Variants in CTNNA3 observed in about 807,000 individuals in gnomAD.
CTNNA3 encodes catenin alpha-3.
Under a neutral mutation model 95.7 loss-of-function variants are expected in CTNNA3, and 76 were observed. The observed-to-expected ratio is 0.79, with a 90% CI of 0.66 to 0.96. The LOEUF (loss-of-function observed/expected upper bound fraction) is 0.96. Ranked by LOEUF, CTNNA3 falls within the 40% of genes least tolerant of loss-of-function variation. CTNNA3 has a pLI of 0.00. For missense variants in CTNNA3, 1,191 were observed against 1,089.8 expected, an observed-to-expected ratio of 1.09 and a Z score of -1.31; for synonymous variants, 431 against 374.4, an observed-to-expected ratio of 1.15 and a Z score of -1.74.
chr10:66,918,804 G>C (rs915100429), intron 7 of CTNNA3, among the ~76,000 whole-genome samples: 2 of 152,182 alleles, frequency 1.3e-5, no homozygotes, highest in African/African-American at 4.8e-5. Context: ...ATGTGCATGT[G>C]TGTAGATAGA....
In CTNNA3 at chr10:67,238,061, G is replaced by A. The variant is rs1288625276; in HGVS notation, c.580-18191C>T. Among the ~76,000 whole-genome samples the A allele has an allele frequency of 2.6e-5, 4 of 152,242 alleles. No individual in the cohort carries two copies. In the East Asian group the frequency reaches 5.8e-4, roughly 22 times the overall value. The stretch of plus-strand genomic sequence containing the variant: ...GAATTGTTTCAGCAATCGTGGAAGT[G>A]GTGATGCATTCACCACAATGAGAAT... On this transcript the variant is annotated intron_variant, in intron 5 of 17. Transcript: ENST00000433211.
At chr10:66,207,885 A>T (rs535672109) in intron 13 of CTNNA3, among the ~76,000 whole-genome samples, 19 of 152,050 alleles carry the variant, frequency 1.2e-4, no homozygotes, top group Non-Finnish European at 2.2e-4. Flanking sequence ...ATTTACTCAC[A>T]TTAATAAAAA....
intron 7 of CTNNA3, among the ~76,000 whole-genome samples, chr10:66,917,291 C>T (rs1030673883): frequency 5.3e-5 from 8 of 152,122 alleles, no homozygotes; most frequent in African/African-American, 1.9e-4. Flanking sequence ...CACATGGGGG[C>T]TCTGCTGTTA....
intron 7 of CTNNA3, among the ~76,000 whole-genome samples, chr10:66,782,010 A>G (rs1162955433): frequency 6.6e-6 from 1 of 152,118 alleles, no homozygotes; most frequent in East Asian, 1.9e-4. Context: ...AACTCAATAT[A>G]TCTGTTATGT....
chr10:66,469,852 C>A (rs565676629), intron 11 of CTNNA3, among the ~76,000 whole-genome samples: 1 of 151,724 alleles, frequency 6.6e-6, no homozygotes, highest in African/African-American at 2.4e-5. Context: ...TGAATGGAGG[C>A]AGATACGAGA....
chr10:66,318,785 C>A (rs772628675), intron 12 of CTNNA3, among the ~76,000 whole-genome samples: 2 of 152,034 alleles, frequency 1.3e-5, no homozygotes, highest in Non-Finnish European at 2.9e-5. Context: ...GGCTCTGTCC[C>A]TAGATATTTG....
intron 1 of CTNNA3, among the ~76,000 whole-genome samples, chr10:67,718,384 T>C (rs919895326): frequency 2.6e-5 from 4 of 152,238 alleles, no homozygotes; most frequent in Admixed American, 6.5e-5. Context: ...ATTCTTGTCT[T>C]GTGCCAGTTT....
At chr10:67,366,063 G>A (rs1237060531) in intron 5 of CTNNA3, among the ~76,000 whole-genome samples, 2 of 152,140 alleles carry the variant, frequency 1.3e-5, no homozygotes, top group African/African-American at 4.8e-5. Context: ...GCAGGGACAT[G>A]GATGAAGCTG....
chr10:66,612,979 A>G lies in CTNNA3; in HGVS notation c.1374+8713T>C, dbSNP rs1487346881. Among the ~76,000 whole-genome samples, 8 of 152,104 alleles carry G rather than the reference A, an allele frequency of 5.3e-5. No individual in the cohort carries two copies. In the East Asian group the frequency reaches 1.4e-3, roughly 26 times the overall value. On this transcript the variant is annotated intron_variant, in intron 10 of 17. Coordinates refer to ENST00000433211, the MANE Select transcript of CTNNA3 (RefSeq NM_013266.4). ...CAATTTTGATTATAAACTTAATGTC[A>G]GCAAGGCTCTACCTTTATTTTCCTC... is the stretch of plus-strand genomic sequence containing the variant.
intron 5 of CTNNA3, among the ~76,000 whole-genome samples, chr10:67,400,523 T>C (rs1844878327): frequency 6.6e-6 from 1 of 152,214 alleles, no homozygotes; most frequent in South Asian, 2.1e-4. Flanking sequence ...CTGGAATAAA[T>C]ACTTTAGGAA....
intron 7 of CTNNA3, among the ~76,000 whole-genome samples, chr10:66,968,369 C>T (rs750224419): frequency 1.1e-4 from 16 of 146,814 alleles, no homozygotes; most frequent in Non-Finnish European, 1.9e-4. Flanking sequence ...TAAAACACAT[C>T]GAAAAAAGAT....
At chr10:66,742,282 C>A (rs1427947724) in intron 9 of CTNNA3, among the ~76,000 whole-genome samples, 1 of 152,128 alleles carries the variant, frequency 6.6e-6, no homozygotes, top group Non-Finnish European at 1.5e-5. Context: ...CGCTCCCAGG[C>A]TTATTAGGAT....
intron 5 of CTNNA3, among the ~76,000 whole-genome samples, chr10:67,382,651 C>A (rs1402293887): frequency 6.6e-6 from 1 of 152,026 alleles, no homozygotes; most frequent in Non-Finnish European, 1.5e-5. Flanking sequence ...CTGTGTTGGT[C>A]CATTTGCATT....
chr10:67,052,952 A>G (rs7091127), intron 7 of CTNNA3, among the ~76,000 whole-genome samples: 4,938 of 152,288 alleles, frequency 0.032, 245 homozygotes, highest in African/African-American at 0.11. Context: ...CAAACCATTT[A>G]CCTCAAAGTA....
intron 5 of CTNNA3, among the ~76,000 whole-genome samples, chr10:67,392,182 CT>C (rs1844525134): frequency 6.6e-6 from 1 of 152,158 alleles, no homozygotes; most frequent in Admixed American, 6.5e-5. Flanking sequence ...TATCCAGAAT[CT>C]ACAGTGAACT....
At chr10:67,566,072 T>TATATATATATAC (rs1265158791) in intron 3 of CTNNA3, among the ~76,000 whole-genome samples, 5 of 102,150 alleles carry the variant, frequency 4.9e-5, no homozygotes, top group African/African-American at 1.1e-4. Context: ...TATATATATA[T>TATATATATATAC]ACAAAACCTA....
chr10:66,452,757 A>G (rs910905036), intron 11 of CTNNA3, among the ~76,000 whole-genome samples: 2 of 152,134 alleles, frequency 1.3e-5, no homozygotes, highest in Non-Finnish European at 2.9e-5. Flanking sequence ...CTGATGGACC[A>G]GGTGGTGCCA....
chr10:67,259,603 T>A (rs976334812), intron 5 of CTNNA3, among the ~76,000 whole-genome samples: 9 of 152,188 alleles, frequency 5.9e-5, no homozygotes, highest in African/African-American at 2.2e-4. Context: ...GTGAGAGCAC[T>A]TACACTGTAA....
At position 67,483,532 on chromosome 10, in the gene CTNNA3, C is replaced by T. The variant is rs537172987; in HGVS notation, c.579+38310G>A. ...TATCACAAGGACAAAAAACCAAACACCGCATGTTCTCACTCATAGGTGGGA... is the reference window on the plus strand; with the variant it reads ...TATCACAAGGACAAAAAACCAAACATCGCATGTTCTCACTCATAGGTGGGA... On this transcript the variant is annotated intron_variant, in intron 5 of 17. Coordinates refer to ENST00000433211, the MANE Select transcript of CTNNA3 (RefSeq NM_013266.4). 7.7e-4 allele frequency among the ~76,000 whole-genome samples: 116 copies of T among 151,566 alleles called. 1 individual carries two copies. The highest frequency in any genetic ancestry group is 2.6e-3 in the African/African-American group (106 of 41,188).
Sources: gnomAD v4.1 joint callset for allele counts (sites outside exome capture counted in the v4.1 genomes callset) on GRCh38, gnomAD v4.1.1 for gene constraint, MANE v1.5 for transcripts, NCBI Gene and HGNC (gene_info 2026-07-23, HGNC 2026-07-21) for gene names.